The following REC114 variants were observed in gnomAD, a reference collection of about 807,000 sequenced individuals.
The protein encoded by REC114 is REC114 meiotic recombination protein.
Under a neutral mutation model 31.3 loss-of-function variants are expected in REC114, and 27 were observed. The ratio of observed to expected loss-of-function variants is 0.86; its 90% CI spans 0.64 to 1.19. REC114 has a LOEUF of 1.19. Ranked by LOEUF, REC114 falls within the 50% of genes most tolerant of loss-of-function variation. The probability of loss-of-function intolerance (pLI) is 0.00; values close to 1 mark genes in which losing one functional copy is unlikely to be tolerated. For missense variants in REC114, 344 were observed against 326.9 expected, an observed-to-expected ratio of 1.05 and a Z score of -0.40; for synonymous variants, 134 against 127.7, an observed-to-expected ratio of 1.05 and a Z score of -0.33.
chr15:73,500,419 A>T (rs1893588815), intron 2 of REC114, among the ~76,000 whole-genome samples: 1 of 151,702 alleles, frequency 6.6e-6, no homozygotes, highest in Non-Finnish European at 1.5e-5. Context: ...TTATGTATGC[A>T]CATGTGCATT....
intron 1 of REC114, among the ~76,000 whole-genome samples, chr15:73,461,948 T>TTA (rs1892995190): frequency 7.5e-6 from 1 of 132,620 alleles, no homozygotes; most frequent in African/African-American, 3.1e-5. Context: ...TTTTTTTTTT[T>TTA]AAAGACAGAG....
intron 2 of REC114, among the ~76,000 whole-genome samples, chr15:73,534,213 T>C (rs1225217552): frequency 2.0e-5 from 3 of 151,488 alleles, no homozygotes; most frequent in South Asian, 2.1e-4. Flanking sequence ...GAAATAGAGA[T>C]ACAAAAAACC....
intron 2 of REC114, among the ~76,000 whole-genome samples, chr15:73,503,997 ATTTTTTTTT>A (rs71137349): frequency 9.4e-5 from 6 of 63,998 alleles, no homozygotes; most frequent in African/African-American, 3.3e-4. Flanking sequence ...TCCCATAGGA[ATTTTTTTTT>A]TTTTTTTTTT....
intron 2 of REC114, among the ~76,000 whole-genome samples, chr15:73,521,314 C>T (rs995571524): frequency 1.3e-5 from 2 of 152,138 alleles, no homozygotes; most frequent in Non-Finnish European, 1.5e-5. Flanking sequence ...TTTTCAAGTA[C>T]ACATAGTATA....
chr15:73,517,475 T>A (rs948092920), intron 2 of REC114, among the ~76,000 whole-genome samples: 1 of 152,152 alleles, frequency 6.6e-6, no homozygotes, highest in Non-Finnish European at 1.5e-5. Flanking sequence ...TTAAAAGATA[T>A]TTAAGAGCAA....
At chr15:73,469,035 CT>C (rs1160570579) in intron 1 of REC114, among the ~76,000 whole-genome samples, 2 of 151,928 alleles carry the variant, frequency 1.3e-5, no homozygotes, top group African/African-American at 4.8e-5. Flanking sequence ...AGAATATAGT[CT>C]TTGTGAATGC....
intron 3 of REC114, among the ~76,000 whole-genome samples, chr15:73,543,707 C>A (rs1254967345): frequency 6.6e-6 from 1 of 152,016 alleles, no homozygotes; most frequent in African/African-American, 2.4e-5. Flanking sequence ...TAAATTTAAC[C>A]TCCTTACTAA....
chr15:73,510,389 CAG>C (rs1160335807), intron 2 of REC114, among the ~76,000 whole-genome samples: 2 of 152,102 alleles, frequency 1.3e-5, no homozygotes, highest in African/African-American at 2.4e-5. Flanking sequence ...CGTCTGCAAA[CAG>C]GGACAATTTG....
intron 4 of REC114, 61 bp from the exon 5 acceptor site, chr15:73,556,241 G>T: frequency 7.2e-7 from 1 of 1,394,578 alleles, no homozygotes; most frequent in Non-Finnish European, 1.0e-6. Flanking sequence ...GCTCTTTAAT[G>T]GCCTTTGGTA....
chr15:73,548,812 AAG>A (rs1234241990), intron 3 of REC114, among the ~76,000 whole-genome samples: 1 of 152,224 alleles, frequency 6.6e-6, no homozygotes, highest in African/African-American at 2.4e-5. Flanking sequence ...AGACTAGAAA[AAG>A]AAAATATGGT....
rs115346374 is a variant in REC114, at chr15:73,443,675, C to T, written c.159+331C>T. On this transcript the variant is annotated intron_variant, in intron 1 of 5. Coordinates refer to ENST00000331090, the MANE Select transcript of REC114 (RefSeq NM_001042367.2). ...GAGCAGTGAGCAAGATATAAACGCTCCCCACCCTTATTGATGTTTTTAGTT... is the reference window on the plus strand; with the variant it reads ...GAGCAGTGAGCAAGATATAAACGCTTCCCACCCTTATTGATGTTTTTAGTT... 8.6e-3 allele frequency among the ~76,000 whole-genome samples: 1,317 copies of T among 152,276 alleles called. 24 individuals carry two copies. Among genetic ancestry groups the T allele is most frequent in the African/African-American group, 0.03 (1,227 of 41,556 alleles).
At chr15:73,501,181 G>C (rs1195434727) in intron 2 of REC114, among the ~76,000 whole-genome samples, 1 of 152,178 alleles carries the variant, frequency 6.6e-6, no homozygotes, top group African/African-American at 2.4e-5. Flanking sequence ...TTTGCTAACT[G>C]TATATTTTAT....
chr15:73,541,525 T>C (rs761989940), intron 3 of REC114, among the ~76,000 whole-genome samples: 2 of 152,214 alleles, frequency 1.3e-5, no homozygotes, highest in African/African-American at 2.4e-5. Context: ...GTATAATTGG[T>C]TTCTTTGTAA....
At chr15:73,495,947 A>G (rs1398097852) in intron 2 of REC114, among the ~76,000 whole-genome samples, 1 of 152,210 alleles carries the variant, frequency 6.6e-6, no homozygotes, top group Non-Finnish European at 1.5e-5. Context: ...TATTGAGCAG[A>G]TAAAATTTAT....
intron 2 of REC114, among the ~76,000 whole-genome samples, chr15:73,475,071 G>A (rs956918337): frequency 6.6e-6 from 1 of 152,192 alleles, no homozygotes; most frequent in Admixed American, 6.5e-5. Flanking sequence ...AATACCTAGT[G>A]CACAGTTAGT....
chr15:73,513,757 G>A (rs1206550851), intron 2 of REC114, among the ~76,000 whole-genome samples: 44 of 150,320 alleles, frequency 2.9e-4, no homozygotes, highest in Admixed American at 5.3e-4. Flanking sequence ...TAGGCTGCTC[G>A]GGGGTCAGGG....
intron 2 of REC114, among the ~76,000 whole-genome samples, chr15:73,531,381 T>C (rs1315133484): frequency 6.6e-6 from 1 of 152,214 alleles, no homozygotes; most frequent in Non-Finnish European, 1.5e-5. Flanking sequence ...TTTATCTCTA[T>C]GGCAAGTCTT....
intron 1 of REC114, among the ~76,000 whole-genome samples, chr15:73,449,056 G>A (rs574210376): frequency 2.6e-5 from 4 of 152,198 alleles, no homozygotes; most frequent in African/African-American, 9.6e-5. Flanking sequence ...GTGCAAAAAG[G>A]CTGAAAATTC....
chr15:73,496,585 G>A (rs1893529356), intron 2 of REC114, among the ~76,000 whole-genome samples: 1 of 149,714 alleles, frequency 6.7e-6, no homozygotes, highest in Non-Finnish European at 1.5e-5. Flanking sequence ...TCCGGGAGGT[G>A]GAGGTTGCAG....
Sources: gnomAD v4.1 joint callset for allele counts (sites outside exome capture counted in the v4.1 genomes callset) on GRCh38, gnomAD v4.1.1 for gene constraint, MANE v1.5 for transcripts, NCBI Gene and HGNC (gene_info 2026-07-23, HGNC 2026-07-21) for gene names.